The following TRPV1 variants were observed in gnomAD, a reference collection of about 807,000 sequenced individuals.
TRPV1 encodes the protein transient receptor potential cation channel subfamily V member 1, also known as OTRPC1.
Under a neutral mutation model 82.3 loss-of-function variants are expected in TRPV1, and 82 were observed. The ratio of observed to expected loss-of-function variants is 1.00; its 90% CI spans 0.83 to 1.20. TRPV1 has a LOEUF of 1.20. Among genes scored for constraint, TRPV1 ranks in the 50% most tolerant of loss-of-function variants. The pLI, the probability that TRPV1 is intolerant of heterozygous loss-of-function variation, is 0.00. For missense variants in TRPV1, 1,067 were observed against 1,096.8 expected (o/e 0.97, Z 0.38); for synonymous variants, 515 against 467.7 (o/e 1.10, Z -1.30).
intron 16 of TRPV1, among the ~76,000 whole-genome samples, chr17:3,570,301 C>T (rs187958673): frequency 3.3e-5 from 5 of 150,222 alleles, no homozygotes; most frequent in African/African-American, 4.9e-5. Flanking sequence ...ACCCGGGAGG[C>T]GGAGGGTGCA....
intron 2 of TRPV1, 141 bp downstream of exon 2, chr17:3,608,286 G>C (rs2075312132): frequency 6.6e-6 from 1 of 150,916 alleles, no homozygotes; most frequent in African/African-American, 2.4e-5. Context: ...AGAAGATTCA[G>C]CATATGACTG....
chr17:3,603,778 A>G (rs1421073706), intron 2 of TRPV1, among the ~76,000 whole-genome samples: 1 of 152,196 alleles, frequency 6.6e-6, no homozygotes, highest in African/African-American at 2.4e-5. Flanking sequence ...CACGCAAGTG[A>G]GCATCTCTGT....
Position 3,588,964 on chromosome 17 carries a change from C to A in TRPV1, c.1045-597G>T, listed in dbSNP as rs1345737188. 7 of 1,535,558 alleles carry A rather than the reference C, an allele frequency of 4.6e-6. No individual in the cohort carries two copies. In the South Asian group the frequency reaches 4.8e-5, roughly 10 times the overall value. ...GACAGCGGTGGTCCATTCTCGATAA[C>A]CTCAAGCCAGAAAGAAAGAAAGAGA... On this transcript the variant is annotated intron_variant, in intron 7 of 16. Coordinates refer to ENST00000572705, the MANE Select transcript of TRPV1 (RefSeq NM_080704.4).
At chr17:3,581,214 C>T (rs950448890) in intron 10 of TRPV1, among the ~76,000 whole-genome samples, 2 of 152,052 alleles carry the variant, frequency 1.3e-5, no homozygotes, top group Non-Finnish European at 2.9e-5. Flanking sequence ...AACTCCTGGC[C>T]TCAGCCTCCC....
intron 2 of TRPV1, among the ~76,000 whole-genome samples, chr17:3,606,543 A>T (rs1203825050): frequency 6.6e-6 from 1 of 152,168 alleles, no homozygotes; most frequent in Non-Finnish European, 1.5e-5. Flanking sequence ...ACTGACGGCC[A>T]GCAAAGGAGC....
chr17:3,605,948 A>ATTAT (rs142109436), intron 2 of TRPV1, among the ~76,000 whole-genome samples: 23,048 of 150,182 alleles, frequency 0.15, 5,547 homozygotes, highest in African/African-American at 0.52. Context: ...TCAAAGGTTT[A>ATTAT]TTATTTATTT....
intron 8 of TRPV1, 144 bp downstream of exon 8, chr17:3,588,044 G>C (rs1184097781): frequency 9.2e-6 from 8 of 867,908 alleles, no homozygotes; most frequent in Non-Finnish European, 1.2e-5. Context: ...GGGCATGAGT[G>C]GGGAACGTGA....
chr17:3,570,597 TCTTTC>T (rs1236994071), intron 16 of TRPV1, among the ~76,000 whole-genome samples: 2 of 152,258 alleles, frequency 1.3e-5, no homozygotes, highest in East Asian at 3.8e-4. Context: ...AAACTATGCC[TCTTTC>T]ATTTCTAGGT....
At position 3,573,688 on chromosome 17, in the gene TRPV1, A is replaced by G; in HGVS notation, c.2048T>C (p.Met683Thr). 1 of 1,614,010 alleles carries G rather than the reference A, an allele frequency of 6.2e-7. No individual in the cohort carries two copies. Among genetic ancestry groups the G allele is most frequent in the South Asian group, 1.1e-5 (1 of 91,058 alleles). The change falls in exon 14 of 17, where the codon ATG becomes ACG. Residue 683 changes from methionine (M) to threonine (T), a missense_variant. Coordinates refer to ENST00000572705, the MANE Select transcript of TRPV1 (RefSeq NM_080704.4). ...ILLLNMLIAL[M>T]GETVNKIAQE... ...TGCGATCTTGTTGACAGTCTCACCC[A>G]TGAGGGCGATGAGCATGTTGAGCAG...
intron 2 of TRPV1, among the ~76,000 whole-genome samples, chr17:3,605,928 G>C (rs560428309): frequency 2.0e-5 from 3 of 151,680 alleles, no homozygotes; most frequent in African/African-American, 7.3e-5. Flanking sequence ...AATCTCAGTG[G>C]CTTCAAACAT....
At chr17:3,588,813 T>TA (rs3837859) in intron 7 of TRPV1, 274,173 of 883,398 alleles carry the variant, frequency 0.31, 22,842 homozygotes, top group African/African-American at 0.49. Context: ...AAACCTCATC[T>TA]AAAAAAAAAA....
intron 10 of TRPV1, among the ~76,000 whole-genome samples, chr17:3,582,978 G>A (rs187862820): frequency 5.3e-5 from 8 of 151,526 alleles, no homozygotes; most frequent in Admixed American, 5.3e-4. Flanking sequence ...CAGTATGCAA[G>A]GAGATTTCCT....
chr17:3,580,381 G>A lies in TRPV1; in HGVS notation c.1547+76C>T, dbSNP rs1013868629. ...GGTCCCACTATGTGCCAGGCCCGGC[G>A]TGAGTGAGACCTCAAGTGAGAACTG... On this transcript the variant is annotated intron_variant, in intron 11 of 16. Transcript: ENST00000572705. 29 of 1,489,870 alleles carry A rather than the reference G, an allele frequency of 1.9e-5. No individual in the cohort carries two copies. The African/African-American group carries it at 2.8e-4, about 14-fold the overall frequency. The allele number at this position is 1,489,870 out of a possible 1,614,324, so 92.3% of individuals were successfully genotyped here.
In TRPV1 at chr17:3,589,925, A is replaced by G. The variant is rs745459272; in HGVS notation, c.926T>C (p.Met309Thr). 5.0e-6 allele frequency: 8 copies of G among 1,585,560 alleles called. No individual in the cohort carries two copies. The highest frequency in any genetic ancestry group is 6.9e-6 in the Non-Finnish European group (8 of 1,166,552). ...CCCCAGCATCAGAATCTCATTGTAC[A>G]TGCTCGTCACAAACTTCGTGTTGTC... ...TADNTKFVTS[M>T]YNEILMLGAK... is the part of the protein sequence containing the mutation. The change falls in exon 7 of 17, where the codon ATG becomes ACG. Residue 309 changes from methionine to threonine, a missense_variant. Coordinates refer to ENST00000572705, the MANE Select transcript of TRPV1 (RefSeq NM_080704.4).
chr17:3,597,672 CTT>C (rs34662119), intron 2 of TRPV1, among the ~76,000 whole-genome samples: 49 of 117,894 alleles, frequency 4.2e-4, no homozygotes, highest in Middle Eastern at 4.2e-3. Flanking sequence ...GTGTCATTTC[CTT>C]TTTTTTTTTT....
At chr17:3,578,319 TAAACAAATAAATAAAC>T (rs1567662283) in intron 11 of TRPV1, 1 of 141,602 alleles carries the variant, frequency 7.1e-6, no homozygotes, top group African/African-American at 2.5e-5. Flanking sequence ...AATAAATAAA[TAAACAAATAAATAAAC>T]AAATAAATAA....
rs565450814 is a variant in TRPV1, at chr17:3,582,020, C to G, written c.1476+1318G>C. Among the ~76,000 whole-genome samples the G allele has an allele frequency of 4.8e-4, 70 of 147,154 alleles. 1 individual carries two copies. Among genetic ancestry groups the G allele is most frequent in the Non-Finnish European group, 7.6e-4 (51 of 66,898 alleles). ...CCTGGCTAACACGGTGAAACCCCGT[C>G]TCTACTAAAAATACAAAAAATTAGC... On this transcript the variant is annotated intron_variant, in intron 10 of 16. Transcript: ENST00000572705.
intron 7 of TRPV1, 70 bp downstream of exon 7, chr17:3,589,737 T>C (rs2075129734): frequency 1.3e-6 from 2 of 1,517,030 alleles, no homozygotes; most frequent in South Asian, 1.3e-5. Flanking sequence ...GCTCCCGCAG[T>C]GAGTCAGGCA....
Position 3,581,633 on chromosome 17 carries a change from T to TC in TRPV1, c.1477-1107dup, listed in dbSNP as rs373335829. On this transcript the variant is annotated intron_variant, in intron 10 of 16. Coordinates refer to ENST00000572705, the MANE Select transcript of TRPV1 (RefSeq NM_080704.4). Reference sequence around the variant, plus strand: ...TGGGCACAGTGGCTCACGCCTGTAATCCCAGCACTTTGGGAGGCCGAGGCG... The same window carrying TC: ...TGGGCACAGTGGCTCACGCCTGTAATCCCCAGCACTTTGGGAGGCCGAGGCG... 2.8e-3 allele frequency among the ~76,000 whole-genome samples: 422 copies of TC among 152,046 alleles called. 4 individuals are homozygous for TC. Among genetic ancestry groups the TC allele is most frequent in the African/African-American group, 9.7e-3 (403 of 41,468 alleles).
Sources: gnomAD v4.1 joint callset for allele counts (sites outside exome capture counted in the v4.1 genomes callset) on GRCh38, gnomAD v4.1.1 for gene constraint, MANE v1.5 for transcripts, NCBI Gene and HGNC (gene_info 2026-07-23, HGNC 2026-07-21) for gene names.